RYR2: variants seen among roughly 807,000 people sequenced by gnomAD.
The protein encoded by RYR2 is ryanodine receptor 2.
In RYR2, 227 loss-of-function variants were observed where a neutral mutation model predicts 601.1. The ratio of observed to expected loss-of-function variants is 0.38; its 90% CI spans 0.34 to 0.42. RYR2 has a LOEUF of 0.42. Among genes scored for constraint, RYR2 ranks in the 10% least tolerant of loss-of-function variants. The probability of loss-of-function intolerance (pLI) is 1.00; values close to 1 mark genes in which losing one functional copy is unlikely to be tolerated. For missense variants in RYR2, 4,646 were observed against 6,156.5 expected, an observed-to-expected ratio of 0.75 and a Z score of 8.21; for synonymous variants, 2,223 against 2,175.1, an observed-to-expected ratio of 1.02 and a Z score of -0.61.
intron 1 of RYR2, among the ~76,000 whole-genome samples, chr1:237,240,762 C>T (rs965938475): frequency 6.8e-6 from 1 of 147,208 alleles, no homozygotes; most frequent in Non-Finnish European, 1.5e-5. Context: ...TTTAAGTTTC[C>T]TTCCTACTCC....
chr1:237,481,907 G>A (rs1403741776), intron 17 of RYR2, among the ~76,000 whole-genome samples: 1 of 150,114 alleles, frequency 6.7e-6, no homozygotes, highest in African/African-American at 2.5e-5. Context: ...ACAGCAAACT[G>A]CTGCTTACTT....
At chr1:237,147,697 A>G (rs1674173300) in intron 1 of RYR2, among the ~76,000 whole-genome samples, 1 of 152,212 alleles carries the variant, frequency 6.6e-6, no homozygotes, top group Non-Finnish European at 1.5e-5. Context: ...ACATTTGTAC[A>G]TTCTCCTCAT....
rs796484463 is a variant in RYR2 at position 237,717,381 on chromosome 1, T to G, written c.10494+13T>G. The G allele has an allele frequency of 1.5e-5, 24 of 1,588,978 alleles. No individual in the cohort carries two copies. In the African/African-American group the frequency reaches 2.3e-4, roughly 15 times the overall value. Reference sequence around the variant, plus strand: ...TCGATTTAGCCTGGTAAGTCTCCTTTTCATCCCAGCGGTAATGATCATCTG... The same window carrying G: ...TCGATTTAGCCTGGTAAGTCTCCTTGTCATCCCAGCGGTAATGATCATCTG... On this transcript the variant is annotated intron_variant, in intron 72 of 104. Coordinates refer to ENST00000366574, the MANE Select transcript of RYR2 (RefSeq NM_001035.3).
intron 100 of RYR2, 139 bp downstream of exon 100, chr1:237,809,174 T>A: frequency 1.3e-6 from 1 of 769,374 alleles, no homozygotes; most frequent in East Asian, 2.5e-5. Flanking sequence ...TGTTTAAAGA[T>A]TCAGCAGTTT....
At chr1:237,781,242 T>G (rs180876806) in intron 88 of RYR2, among the ~76,000 whole-genome samples, 1,644 of 152,052 alleles carry the variant, frequency 0.011, 18 homozygotes, top group Middle Eastern at 0.02. Context: ...TAGAGACGGG[T>G]TTTTGCCATG....
chr1:237,387,731 C>G (rs1304917801), intron 9 of RYR2, among the ~76,000 whole-genome samples: 1 of 152,204 alleles, frequency 6.6e-6, no homozygotes, highest in Non-Finnish European at 1.5e-5. Flanking sequence ...TGCCTTATAG[C>G]TGGAATACGA....
chr1:237,148,515 TAAAAAAAA>T (rs372359390), intron 1 of RYR2, among the ~76,000 whole-genome samples: 76 of 105,132 alleles, frequency 7.2e-4, no homozygotes, highest in African/African-American at 3.1e-3. Flanking sequence ...GAACTTCAAG[TAAAAAAAA>T]AAAAATATAT....
intron 2 of RYR2, among the ~76,000 whole-genome samples, chr1:237,312,699 CAAAT>C (rs1473122407): frequency 6.6e-6 from 1 of 152,018 alleles, no homozygotes; most frequent in Non-Finnish European, 1.5e-5. Flanking sequence ...ATTTCCTAAT[CAAAT>C]AAAGAGCTTA....
At chr1:237,765,927 T>C (rs1287813625) in intron 84 of RYR2, among the ~76,000 whole-genome samples, 1 of 152,184 alleles carries the variant, frequency 6.6e-6, no homozygotes, top group Non-Finnish European at 1.5e-5. Context: ...GAACAATGCT[T>C]TATGCATATA....
At chr1:237,550,784 A>C in intron 27 of RYR2, 93 bp downstream of exon 27, 3 of 1,299,224 alleles carry the variant, frequency 2.3e-6, no homozygotes, top group African/African-American at 1.5e-5. Context: ...AGTACTGGAT[A>C]GAGTCCTCTA....
At chr1:237,473,480 G>GTTCTTTCTTCTTT (rs1661021146) in intron 17 of RYR2, among the ~76,000 whole-genome samples, 1 of 47,608 alleles carries the variant, frequency 2.1e-5, no homozygotes, top group African/African-American at 8.4e-5. Flanking sequence ...TATCTATCTG[G>GTTCTTTCTTCTTT]CATATATGTA....
intron 27 of RYR2, among the ~76,000 whole-genome samples, chr1:237,551,483 A>T (rs1195156443): frequency 7.4e-6 from 1 of 135,564 alleles, no homozygotes; most frequent in Non-Finnish European, 1.5e-5. Flanking sequence ...GTGAGCCGAG[A>T]TGGCGCCACT....
At position 237,529,297 on chromosome 1, in the gene RYR2, T is replaced by C. The variant is rs75133448; in HGVS notation, c.2823-1130T>C. Among the ~76,000 whole-genome samples the C allele has an allele frequency of 7.6e-4, 115 of 152,310 alleles. 1 individual carries two copies. The highest frequency in any genetic ancestry group is 2.6e-3 in the African/African-American group (106 of 41,566). ...CTTCAATCAGCTCTTGGTCTTCCCA[T>C]AGTTTTGCAATTTAACGCTAGAAAG... On this transcript the variant is annotated intron_variant, in intron 24 of 104. Coordinates refer to ENST00000366574, the MANE Select transcript of RYR2 (RefSeq NM_001035.3).
At chr1:237,763,740 C>T (rs1434110457) in intron 84 of RYR2, among the ~76,000 whole-genome samples, 1 of 152,156 alleles carries the variant, frequency 6.6e-6, no homozygotes, top group African/African-American at 2.4e-5. Flanking sequence ...CTATTAGGAG[C>T]ATATGTAAGG....
At chr1:237,553,515 T>G (rs1670603695) in intron 27 of RYR2, among the ~76,000 whole-genome samples, 1 of 152,006 alleles carries the variant, frequency 6.6e-6, no homozygotes, top group African/African-American at 2.4e-5. Flanking sequence ...CCAACTTCTT[T>G]CATATTTTAT....
At chr1:237,782,864 G>A (rs1695235802) in intron 89 of RYR2, among the ~76,000 whole-genome samples, 1 of 152,132 alleles carries the variant, frequency 6.6e-6, no homozygotes, top group South Asian at 2.1e-4. Context: ...AGCACATTAA[G>A]CCTGGATTCA....
At chr1:237,198,510 T>C (rs893365834) in intron 1 of RYR2, among the ~76,000 whole-genome samples, 2 of 151,646 alleles carry the variant, frequency 1.3e-5, no homozygotes, top group Non-Finnish European at 2.9e-5. Context: ...AGTTTGTACC[T>C]CTTTAGCATT....
At chr1:237,255,369 A>G (rs925864015) in intron 1 of RYR2, among the ~76,000 whole-genome samples, 1 of 152,216 alleles carries the variant, frequency 6.6e-6, no homozygotes, top group Non-Finnish European at 1.5e-5. Flanking sequence ...CTAAATTCTG[A>G]TAGCTGCTTC....
At chr1:237,289,394 TA>T (rs1487263965) in intron 2 of RYR2, among the ~76,000 whole-genome samples, 1 of 152,194 alleles carries the variant, frequency 6.6e-6, no homozygotes, top group Non-Finnish European at 1.5e-5. Context: ...GGATAATTTA[TA>T]AAGGAAAGAT....
Sources: gnomAD v4.1 joint callset for allele counts (sites outside exome capture counted in the v4.1 genomes callset) on GRCh38, gnomAD v4.1.1 for gene constraint, MANE v1.5 for transcripts, NCBI Gene and HGNC (gene_info 2026-07-23, HGNC 2026-07-21) for gene names.